DPP10: variants seen among roughly 807,000 people sequenced by gnomAD.
DPP10 encodes dipeptidyl peptidase like 10.
In DPP10, 33 loss-of-function variants were observed where a neutral mutation model predicts 120.9. The ratio of observed to expected loss-of-function variants is 0.27; its 90% CI spans 0.21 to 0.37. The LOEUF (loss-of-function observed/expected upper bound fraction) is 0.37, where lower values mean the gene tolerates loss of function less well. Among genes scored for constraint, DPP10 ranks in the 10% least tolerant of loss-of-function variants. DPP10 has a pLI of 1.00. For synonymous variants in DPP10, 337 were observed against 326.1 expected, an observed-to-expected ratio of 1.03 and a Z score of -0.36; for missense variants, 816 against 942.8, an observed-to-expected ratio of 0.87 and a Z score of 1.76.
intron 4 of DPP10, among the ~76,000 whole-genome samples, chr2:115,506,589 A>T (rs970294572): frequency 2.0e-5 from 3 of 152,118 alleles, no homozygotes; most frequent in Non-Finnish European, 4.4e-5. Context: ...TATATATATA[A>T]AAATCTATGT....
In DPP10 at chr2:114,712,636, A is replaced by G. The variant is rs529303193; in HGVS notation, c.60+269798A>G. On this transcript the variant is annotated intron_variant, in intron 1 of 25. Transcript: ENST00000410059. Reference sequence around the variant, plus strand: ...ATTAGTAGGCAAAATTGTAAAATGTATCCATCATTTTATCAATCATAAAAG... The same window carrying G: ...ATTAGTAGGCAAAATTGTAAAATGTGTCCATCATTTTATCAATCATAAAAG... Among the ~76,000 whole-genome samples the G allele has an allele frequency of 1.9e-3, 283 of 152,324 alleles. 1 individual carries two copies. Among genetic ancestry groups the G allele is most frequent in the African/African-American group, 6.6e-3 (273 of 41,594 alleles).
intron 1 of DPP10, among the ~76,000 whole-genome samples, chr2:114,782,082 G>T (rs1574174191): frequency 6.6e-6 from 1 of 151,990 alleles, no homozygotes; most frequent in South Asian, 2.1e-4. Context: ...AAAGAATCAT[G>T]AGTCTTCAAA....
At chr2:114,805,845 A>T (rs528043803) in intron 1 of DPP10, among the ~76,000 whole-genome samples, 1 of 151,724 alleles carries the variant, frequency 6.6e-6, no homozygotes, top group African/African-American at 2.4e-5. Flanking sequence ...CTTACAACTT[A>T]TTGGCCATAA....
intron 1 of DPP10, among the ~76,000 whole-genome samples, chr2:114,884,206 G>C (rs1369699080): frequency 6.6e-6 from 1 of 152,132 alleles, no homozygotes; most frequent in Non-Finnish European, 1.5e-5. Flanking sequence ...GGCCTCTACT[G>C]TTTTCATTAG....
At chr2:115,478,060 C>T (rs997619112) in intron 3 of DPP10, among the ~76,000 whole-genome samples, 1 of 152,082 alleles carries the variant, frequency 6.6e-6, no homozygotes, top group South Asian at 2.1e-4. Flanking sequence ...CACTCATTAC[C>T]AAAAGGATGG....
chr2:115,331,741 G>A (rs920062986), intron 2 of DPP10, among the ~76,000 whole-genome samples: 1 of 152,266 alleles, frequency 6.6e-6, no homozygotes, highest in Non-Finnish European at 1.5e-5. Flanking sequence ...ATTTGCATAT[G>A]TTGAACCAGT....
At chr2:115,183,404 A>G (rs537519502) in intron 1 of DPP10, among the ~76,000 whole-genome samples, 6 of 152,238 alleles carry the variant, frequency 3.9e-5, no homozygotes, top group East Asian at 3.9e-4. Flanking sequence ...CGGTCATCCA[A>G]TAGAACCTTT....
At chr2:115,166,460 C>G (rs1325446168) in intron 1 of DPP10, among the ~76,000 whole-genome samples, 1 of 125,304 alleles carries the variant, frequency 8.0e-6, no homozygotes, top group Admixed American at 7.5e-5. Context: ...TATGCATTTC[C>G]TACTCTCCCT....
intron 7 of DPP10, among the ~76,000 whole-genome samples, chr2:115,695,528 T>A (rs1476486945): frequency 6.6e-6 from 1 of 152,068 alleles, no homozygotes; most frequent in Admixed American, 6.6e-5. Flanking sequence ...GAACTCCCCT[T>A]TATAAAACCA....
intron 1 of DPP10, among the ~76,000 whole-genome samples, chr2:114,507,442 C>T (rs142963132): frequency 3.3e-5 from 5 of 152,240 alleles, no homozygotes; most frequent in Non-Finnish European, 5.9e-5. Context: ...ATTTGTGATA[C>T]GTACGTGGTT....
rs142391045 is a variant in DPP10 at position 114,771,117 on chromosome 2, G to T, written c.60+328279G>T. On this transcript the variant is annotated intron_variant, in intron 1 of 25. Coordinates refer to ENST00000410059, the MANE Select transcript of DPP10 (RefSeq NM_020868.6). Reference sequence around the variant, plus strand: ...TTTAGAATATGTTAAGAAAAATCCTGTAAGCATCAGTAATTGAGGAAAATT... The same window carrying T: ...TTTAGAATATGTTAAGAAAAATCCTTTAAGCATCAGTAATTGAGGAAAATT... 2.1e-3 allele frequency among the ~76,000 whole-genome samples: 327 copies of T among 152,278 alleles called. 1 individual carries two copies. Among genetic ancestry groups the T allele is most frequent in the African/African-American group, 7.4e-3 (309 of 41,540 alleles).
At chr2:115,800,110 T>G (rs1199155830) in intron 19 of DPP10, among the ~76,000 whole-genome samples, 8 of 151,212 alleles carry the variant, frequency 5.3e-5, no homozygotes, top group Non-Finnish European at 1.2e-4. Flanking sequence ...TTTCCTGACT[T>G]TTTAATGATC....
intron 2 of DPP10, among the ~76,000 whole-genome samples, chr2:115,325,204 T>A (rs1287083500): frequency 6.6e-6 from 1 of 152,118 alleles, no homozygotes; most frequent in Non-Finnish European, 1.5e-5. Context: ...CCCTTCAAGT[T>A]GTAAAAAACA....
At chr2:115,592,510 T>C (rs945110220) in intron 5 of DPP10, among the ~76,000 whole-genome samples, 1 of 151,662 alleles carries the variant, frequency 6.6e-6, no homozygotes, top group Non-Finnish European at 1.5e-5. Flanking sequence ...CCTAGCACTT[T>C]GATCATGAGG....
chr2:115,376,666 G>A (rs2065823438), intron 3 of DPP10, among the ~76,000 whole-genome samples: 1 of 149,778 alleles, frequency 6.7e-6, no homozygotes, highest in Non-Finnish European at 1.5e-5. Flanking sequence ...TCGTCATCTA[G>A]CATTAGGTAT....
At chr2:115,145,967 C>T (rs28493415) in intron 1 of DPP10, among the ~76,000 whole-genome samples, 15,293 of 152,086 alleles carry the variant, frequency 0.1, 1,054 homozygotes, top group East Asian at 0.3. Context: ...CTTGCAAACA[C>T]CTAGTTAAAA....
chr2:114,638,442 T>G, intron 1 of DPP10, among the ~76,000 whole-genome samples: 1 of 151,538 alleles, frequency 6.6e-6, no homozygotes, highest in East Asian at 1.9e-4. Flanking sequence ...AAACAAATAA[T>G]CCCATCAAAA....
At chr2:114,957,590 T>C (rs993996831) in intron 1 of DPP10, among the ~76,000 whole-genome samples, 3 of 152,198 alleles carry the variant, frequency 2.0e-5, no homozygotes, top group Non-Finnish European at 4.4e-5. Context: ...ATTTCACCTC[T>C]GGATATAGTT....
intron 5 of DPP10, among the ~76,000 whole-genome samples, chr2:115,677,945 C>T (rs1050039385): frequency 3.9e-5 from 6 of 152,162 alleles, no homozygotes; most frequent in Non-Finnish European, 8.8e-5. Context: ...GTCATTTTAT[C>T]CTTTAGCTGC....
Sources: gnomAD v4.1 joint callset for allele counts (sites outside exome capture counted in the v4.1 genomes callset) on GRCh38, gnomAD v4.1.1 for gene constraint, MANE v1.5 for transcripts, NCBI Gene and HGNC (gene_info 2026-07-23, HGNC 2026-07-21) for gene names.